Variants in REDIC1 observed in about 807,000 individuals in gnomAD.
REDIC1 encodes the protein regulator of DNA class I crossover intermediates 1.
At chr12:39,679,310 T>C in the REDIC1 span, among the ~76,000 whole-genome samples, 1 of 152,160 alleles carries the variant, frequency 6.6e-6, no homozygotes, top group Non-Finnish European at 1.5e-5. Context: ...TCAGTAAAGT[T>C]TCAGGGTACA....
At chr12:39,687,412 T>C in the REDIC1 span, among the ~76,000 whole-genome samples, 1 of 152,112 alleles carries the variant, frequency 6.6e-6, no homozygotes, top group East Asian at 1.9e-4. Flanking sequence ...CTCAGGAAAT[T>C]AGAATTATGG....
At chr12:39,700,085 C>T in the REDIC1 span, among the ~76,000 whole-genome samples, 18 of 152,090 alleles carry the variant, frequency 1.2e-4, no homozygotes, top group East Asian at 3.1e-3. Context: ...CAAAGCTGGA[C>T]GGAGAATGAC....
chr12:39,776,523 T>C, the REDIC1 span, among the ~76,000 whole-genome samples: 1 of 152,094 alleles, frequency 6.6e-6, no homozygotes, highest in East Asian at 1.9e-4. Flanking sequence ...TATGAAATAT[T>C]GAAAGAGGAT....
chr12:39,754,620 C>T, the REDIC1 span, among the ~76,000 whole-genome samples: 9 of 152,012 alleles, frequency 5.9e-5, no homozygotes, highest in South Asian at 2.1e-4. Flanking sequence ...GGGAGAGCAA[C>T]GGAGTCCCAA....
At chr12:39,791,027 A>C in the REDIC1 span, among the ~76,000 whole-genome samples, 11,373 of 101,800 alleles carry the variant, frequency 0.11, 675 homozygotes, top group East Asian at 0.24. Flanking sequence ...TCTTTTGAGA[A>C]GTGTCTGTTC....
chr12:39,704,635 C>T, the REDIC1 span, among the ~76,000 whole-genome samples: 90 of 152,058 alleles, frequency 5.9e-4, no homozygotes, highest in South Asian at 8.9e-3. Flanking sequence ...ATGTTTATTG[C>T]GGCATTATTT....
chr12:39,890,268 A>G, the REDIC1 span, among the ~76,000 whole-genome samples: 3 of 152,208 alleles, frequency 2.0e-5, no homozygotes, highest in African/African-American at 7.2e-5. Flanking sequence ...AGATTTATGT[A>G]AAAGGAAGTT....
the REDIC1 span, chr12:39,760,353 C>A: frequency 1.1e-5 from 12 of 1,070,804 alleles, no homozygotes; most frequent in South Asian, 1.5e-4. Context: ...GTCAGTCATG[C>A]ATAATCACAG....
At chr12:39,635,705 A>C in the REDIC1 span, among the ~76,000 whole-genome samples, 2 of 152,112 alleles carry the variant, frequency 1.3e-5, no homozygotes, top group Admixed American at 1.3e-4. Context: ...TGATGAGTTG[A>C]TGGGTGCAGG....
chr12:39,657,194 T>C, the REDIC1 span, among the ~76,000 whole-genome samples: 1 of 152,214 alleles, frequency 6.6e-6, no homozygotes, highest in Non-Finnish European at 1.5e-5. Flanking sequence ...TGTATTTTTT[T>C]CCTATACCTT....
chr12:39,884,938 C>A, the REDIC1 span, among the ~76,000 whole-genome samples: 1 of 152,332 alleles, frequency 6.6e-6, no homozygotes, highest in African/African-American at 2.4e-5. Flanking sequence ...ACCACAAAGA[C>A]TGTTAGTCAT....
At chr12:39,767,457 T>G in the REDIC1 span, among the ~76,000 whole-genome samples, 1 of 152,016 alleles carries the variant, frequency 6.6e-6, no homozygotes, top group Admixed American at 6.6e-5. Context: ...CTAGGATTTT[T>G]GGAGCGGCAA....
the REDIC1 span, among the ~76,000 whole-genome samples, chr12:39,752,576 T>C: frequency 6.6e-6 from 1 of 151,924 alleles, no homozygotes; most frequent in Non-Finnish European, 1.5e-5. Context: ...AATGAAAGAG[T>C]GACTTGGTAA....
At chr12:39,865,732 T>G in the REDIC1 span, among the ~76,000 whole-genome samples, 9 of 152,188 alleles carry the variant, frequency 5.9e-5, no homozygotes, top group Non-Finnish European at 1.2e-4. Flanking sequence ...TGCAGCAACA[T>G]GGATGGAGCT....
chr12:39,684,381 T>C, the REDIC1 span: 3 of 493,636 alleles, frequency 6.1e-6, no homozygotes, highest in Non-Finnish European at 5.3e-6. Flanking sequence ...AATCATGAAC[T>C]AGAATAAATT....
At chr12:39,690,480 A>C in the REDIC1 span, among the ~76,000 whole-genome samples, 2 of 152,170 alleles carry the variant, frequency 1.3e-5, no homozygotes, top group East Asian at 3.8e-4. Flanking sequence ...GAAGAAATGA[A>C]ATAGCAATTC....
chr12:39,775,136 CATAG>C, the REDIC1 span, among the ~76,000 whole-genome samples: 13 of 152,062 alleles, frequency 8.5e-5, no homozygotes, highest in South Asian at 2.1e-4. Context: ...ACAAGATTAA[CATAG>C]ATAGAGAATT....
the REDIC1 span, among the ~76,000 whole-genome samples, chr12:39,811,398 G>C: frequency 1.3e-5 from 2 of 151,762 alleles, no homozygotes; most frequent in African/African-American, 4.8e-5. Context: ...GTAAGCTTAG[G>C]TAATTGATTT....
chr12:39,899,750 T>A, the REDIC1 span, among the ~76,000 whole-genome samples: 2 of 152,178 alleles, frequency 1.3e-5, no homozygotes, highest in Admixed American at 1.3e-4. Flanking sequence ...CCAGTAGTCA[T>A]TCAGGAGCAG....
Sources: gnomAD v4.1 joint callset for allele counts (sites outside exome capture counted in the v4.1 genomes callset) on GRCh38, gnomAD v4.1.1 for gene constraint, MANE v1.5 for transcripts, NCBI Gene and HGNC (gene_info 2026-07-23, HGNC 2026-07-21) for gene names.